DENND2B: variants seen among roughly 807,000 people sequenced by gnomAD.
DENND2B encodes the protein DENN domain-containing protein 2B.
In DENND2B, 32 loss-of-function variants were observed where a neutral mutation model predicts 116.0. The observed-to-expected ratio is 0.28, with a 90% CI of 0.21 to 0.37. The LOEUF (loss-of-function observed/expected upper bound fraction) is 0.37. Among genes scored for constraint, DENND2B ranks in the 10% least tolerant of loss-of-function variants. The pLI, the probability that DENND2B is intolerant of heterozygous loss-of-function variation, is 1.00. For synonymous variants in DENND2B, 588 were observed against 583.9 expected, an observed-to-expected ratio of 1.01 and a Z score of -0.10; for missense variants, 1,276 against 1,477.7, an observed-to-expected ratio of 0.86 and a Z score of 2.24.
chr11:8,701,280 G>A (rs879451996), intron 14 of DENND2B, among the ~76,000 whole-genome samples: 3 of 142,450 alleles, frequency 2.1e-5, no homozygotes, highest in Non-Finnish European at 4.5e-5. Context: ...ATATTCCCAC[G>A]TGTGTAGAAC....
At chr11:8,822,176 A>G (rs2061791749) in intron 4 of DENND2B, among the ~76,000 whole-genome samples, 1 of 140,106 alleles carries the variant, frequency 7.1e-6, no homozygotes, top group African/African-American at 2.7e-5. Context: ...CATTCTACAT[A>G]TTTTAAATAA....
intron 3 of DENND2B, among the ~76,000 whole-genome samples, chr11:8,852,575 A>T (rs1038060255): frequency 1.3e-5 from 2 of 152,238 alleles, no homozygotes; most frequent in Non-Finnish European, 2.9e-5. Context: ...GCATCAGGTG[A>T]CCTTCTGAGA....
intron 2 of DENND2B, among the ~76,000 whole-genome samples, chr11:8,860,119 T>C (rs1043700623): frequency 6.6e-6 from 1 of 152,058 alleles, no homozygotes; most frequent in African/African-American, 2.4e-5. Flanking sequence ...CCCGCCAAGG[T>C]ACAGGAATCT....
intron 1 of DENND2B, among the ~76,000 whole-genome samples, chr11:8,775,213 G>A (rs1371564902): frequency 6.6e-6 from 1 of 152,128 alleles, no homozygotes; most frequent in Admixed American, 6.6e-5. Flanking sequence ...ATGGACTAGA[G>A]ACCAAGGAAA....
At position 8,714,640 on chromosome 11, in the gene DENND2B, T is replaced by C; in HGVS notation, c.1912A>G (p.Met638Val). Residue 638 changes from methionine (M) to valine (V), a missense_variant, in exon 7 of 20, where the codon ATG becomes GTG. By Grantham distance (21) the Met-to-Val change is conservative (BLOSUM62 1). This residue lies in a region of DENND2B where 856 missense variants were observed against 846.6 expected (regional missense o/e 1.01). Coordinates refer to ENST00000313726, the MANE Select transcript of DENND2B (RefSeq NM_213618.2). ...RGKKRLKKLS[M>V]SSIETASLRD... ...AGTGATGCTGTTTCAATGCTGGACA[T>C]AGACAACTTTTTTAATCTCTTCTTT... 8 of 1,614,184 alleles carry C rather than the reference T, an allele frequency of 5.0e-6. No homozygotes were observed. Among genetic ancestry groups the C allele is most frequent in the Non-Finnish European group, 6.8e-6 (8 of 1,180,024 alleles).
intron 1 of DENND2B, among the ~76,000 whole-genome samples, chr11:8,895,359 C>T (rs1376834319): frequency 6.6e-6 from 1 of 152,102 alleles, no homozygotes; most frequent in Non-Finnish European, 1.5e-5. Context: ...AACAAACCTG[C>T]ACGTTGTGCA....
chr11:8,880,932 G>A (rs1425707459), intron 2 of DENND2B: 1 of 151,892 alleles, frequency 6.6e-6, no homozygotes, highest in African/African-American at 2.4e-5. Flanking sequence ...CCCTTACCAT[G>A]TCCAAATGTA....
chr11:8,741,509 G>C (rs2050204955), intron 2 of DENND2B, among the ~76,000 whole-genome samples: 1 of 152,200 alleles, frequency 6.6e-6, no homozygotes, highest in African/African-American at 2.4e-5. Flanking sequence ...CCAAGAGGGA[G>C]GCAAATCCGA....
At chr11:8,757,046 CTCTGGAACTTT>C (rs753917415) in intron 1 of DENND2B, 1 of 456,278 alleles carries the variant, frequency 2.2e-6, no homozygotes. Context: ...AATAAGGTAC[CTCTGGAACTTT>C]TCTACAAACT....
At chr11:8,738,663 A>G (rs2049578555) in intron 2 of DENND2B, among the ~76,000 whole-genome samples, 1 of 152,144 alleles carries the variant, frequency 6.6e-6, no homozygotes, top group Admixed American at 6.5e-5. Flanking sequence ...TTCAGTGTTA[A>G]AGCAGTTTTG....
In DENND2B at chr11:8,828,984, CATGT is replaced by C. The variant is rs538980541; in HGVS notation, c.-115+10322_-115+10325del. Among the ~76,000 whole-genome samples the C allele has an allele frequency of 1.2e-4, 17 of 140,512 alleles. No homozygotes were observed. In the East Asian group the frequency reaches 3.4e-3, roughly 28 times the overall value. The allele number at this position is 140,512 out of a possible 152,430, so 92.2% of individuals were successfully genotyped here. A position where few individuals can be genotyped will look rare whatever the true frequency, so the allele number is the denominator to read the frequency against. Reference sequence around the variant, plus strand: ...TGTGTGTGGGTGTGTGTGTGGTGTGCATGTGTGTGGTGTGTGTGTAGTATGTGTG... The same window carrying C: ...TGTGTGTGGGTGTGTGTGTGGTGTGCGTGTGGTGTGTGTGTAGTATGTGTG... On this transcript the variant is annotated intron_variant, in intron 4 of 6. Transcript: ENST00000524757.
intron 4 of DENND2B, among the ~76,000 whole-genome samples, chr11:8,830,546 C>T (rs768960484): frequency 6.6e-6 from 1 of 152,158 alleles, no homozygotes; most frequent in Non-Finnish European, 1.5e-5. Flanking sequence ...GAAAATTCAG[C>T]GAGGGCTGCA....
chr11:8,903,681 A>C (rs1196283531), intron 1 of DENND2B, among the ~76,000 whole-genome samples: 3 of 152,028 alleles, frequency 2.0e-5, no homozygotes, highest in Non-Finnish European at 4.4e-5. Context: ...GGAGTTCAAG[A>C]CCAGCCTGGG....
At chr11:8,791,318 A>G (rs1166714398) in intron 1 of DENND2B, among the ~76,000 whole-genome samples, 1 of 152,246 alleles carries the variant, frequency 6.6e-6, no homozygotes, top group Non-Finnish European at 1.5e-5. Flanking sequence ...GGATTCATGC[A>G]ACTATCCCCA....
intron 2 of DENND2B, 85 bp downstream of exon 2, chr11:8,750,536 G>C (rs1373753022): frequency 4.4e-6 from 5 of 1,138,302 alleles, no homozygotes; most frequent in South Asian, 1.3e-5. Context: ...TGTCAGTCAA[G>C]ATGATGACTA....
At chr11:8,754,890 G>C (rs1392647970) in intron 1 of DENND2B, among the ~76,000 whole-genome samples, 1 of 152,240 alleles carries the variant, frequency 6.6e-6, no homozygotes, top group Non-Finnish European at 1.5e-5. Context: ...GGACATGGCT[G>C]ATAGGAGTAC....
At chr11:8,718,133 G>A in intron 4 of DENND2B, 1 of 38,768 alleles carries the variant, frequency 2.6e-5, no homozygotes, top group South Asian at 3.6e-4. Flanking sequence ...CCCCAGCCCA[G>A]CTCAGCCTGG....
chr11:8,749,656 C>T (rs1416147281), intron 2 of DENND2B, among the ~76,000 whole-genome samples: 4 of 152,172 alleles, frequency 2.6e-5, no homozygotes, highest in African/African-American at 7.2e-5. Context: ...TCTGACCAGA[C>T]CCTATTGGAC....
chr11:8,817,415 C>T (rs1416580341), intron 4 of DENND2B, among the ~76,000 whole-genome samples: 1 of 151,942 alleles, frequency 6.6e-6, no homozygotes, highest in Non-Finnish European at 1.5e-5. Context: ...CACAGCCTTC[C>T]TAGGAAGGCA....
Sources: gnomAD v4.1 joint callset for allele counts (sites outside exome capture counted in the v4.1 genomes callset) on GRCh38, gnomAD v4.1.1 for gene constraint, gnomAD v4.1.1 regional missense constraint, MANE v1.5 for transcripts, NCBI Gene and HGNC (gene_info 2026-07-23, HGNC 2026-07-21) for gene names.